The following FASN variants were observed in gnomAD, a reference collection of about 807,000 sequenced individuals.
FASN encodes the protein 3-hydroxyacyl-[acyl-carrier-protein] dehydratase.
In FASN, 50 loss-of-function variants were observed where a neutral mutation model predicts 250.0. The ratio of observed to expected loss-of-function variants is 0.20; its 90% CI spans 0.16 to 0.25. The LOEUF (loss-of-function observed/expected upper bound fraction) is 0.25. FASN is among the 10% of genes least tolerant of loss of function. The pLI, the probability that FASN is intolerant of heterozygous loss-of-function variation, is 1.00. For synonymous variants in FASN, 1,909 were observed against 1,584.0 expected, an observed-to-expected ratio of 1.21 and a Z score of -4.87; for missense variants, 3,031 against 3,498.5, an observed-to-expected ratio of 0.87 and a Z score of 3.37.
chr17:82,096,954 G>A (rs867892643), intron 1 of FASN: 6 of 240,900 alleles, frequency 2.5e-5, no homozygotes, highest in South Asian at 1.5e-4. Flanking sequence ...TCCCAAAGCC[G>A]GGGCATGGAG....
rs200933460 is a variant in FASN, at chr17:82,082,419, G to C, written c.5920-5C>G. The C allele has an allele frequency of 1.2e-6, 2 of 1,612,578 alleles. No homozygotes were observed. Among genetic ancestry groups the C allele is most frequent in the Non-Finnish European group, 8.5e-7 (1 of 1,179,974 alleles). On this transcript the variant is annotated splice_region_variant and splice_polypyrimidine_tract_variant and intron_variant, in intron 34 of 42. Coordinates refer to ENST00000306749, the MANE Select transcript of FASN (RefSeq NM_004104.5). ...CAGCAAGCCATCTCTCAAGACCTGGGGGAGGCATCCTCAGCACTCCCTGCA... is the reference window on the plus strand; with the variant it reads ...CAGCAAGCCATCTCTCAAGACCTGGCGGAGGCATCCTCAGCACTCCCTGCA...
At chr17:82,086,195 T>C (rs1305296756) in intron 22 of FASN, 59 bp downstream of exon 22, 2 of 1,534,336 alleles carry the variant, frequency 1.3e-6, no homozygotes, top group African/African-American at 2.7e-5. Context: ...CTGCAACTGA[T>C]GTCAGGGTGG....
At position 82,093,435 on chromosome 17, in the gene FASN, C is replaced by T; in HGVS notation, c.455-16G>A. 6.3e-7 allele frequency: 1 copy of T among 1,594,730 alleles called. No homozygotes were observed. The highest frequency in any genetic ancestry group is 8.5e-7 in the Non-Finnish European group (1 of 1,173,338). ...ATGCTGGGCCCTGCAAGGAAGGGTG[C>T]TGCGGCTCAGGTGGGGCTGTGAGCA... On this transcript the variant is annotated splice_polypyrimidine_tract_variant and intron_variant, in intron 4 of 42. Transcript: ENST00000306749.
rs899675508 is a variant in FASN at position 82,092,988 on chromosome 17, C to T, written c.687G>A (p.Val229=). 2 of 1,612,304 alleles carry T rather than the reference C, an allele frequency of 1.2e-6. No individual in the cohort carries two copies. The highest frequency in any genetic ancestry group is 1.3e-5 in the African/African-American group (1 of 75,032). ...GNGYCRSEGV[V]AVLLTKKSLA... is the part of the protein sequence containing the mutation. ...GGGACTTCTTGGTCAGCAGGACGGC[C>T]ACCACACCCTCCGAGCGGCAGTACC... is the stretch of plus-strand genomic sequence containing the variant. The change falls in exon 6 of 43, where the codon GTG becomes GTA. Residue 229 remains valine (V), a synonymous_variant. Coordinates refer to ENST00000306749, the MANE Select transcript of FASN (RefSeq NM_004104.5).
Position 82,092,705 on chromosome 17 carries a change from C to G in FASN, c.886G>C (p.Gly296Arg). Residue 296 changes from glycine (G) to arginine (R), a missense_variant, in exon 7 of 43, where the codon GGC becomes CGC. Gly to Arg is a moderately radical substitution (Grantham distance 125). Coordinates refer to ENST00000306749, the MANE Select transcript of FASN (RefSeq NM_004104.5). ...SFEYIEAHGTGTKVGDPQELN... is the reference protein window; with the variant it reads ...SFEYIEAHGTRTKVGDPQELN... ...GGGGGGGGGGGCATCACCTTGGTGC[C>G]TGTGCCGTGGGCTTCGATGTATTCA... is the stretch of plus-strand genomic sequence containing the variant. 6.3e-7 allele frequency: 1 copy of G among 1,591,114 alleles called. No homozygotes were observed.
At position 82,085,785 on chromosome 17, in the gene FASN, G is replaced by A. The variant is rs754468225; in HGVS notation, c.3819C>T (p.Thr1273=). 71 of 1,563,070 alleles carry A rather than the reference G, an allele frequency of 4.5e-5. No homozygotes were observed. Among genetic ancestry groups the A allele is most frequent in the Admixed American group, 9.3e-5 (5 of 53,580 alleles). ...HPLLQLSYTA[T]DRHPQALEAA... The stretch of plus-strand genomic sequence containing the variant: ...CCTCCAGGGCCTGGGGGTGGCGGTC[G>A]GTGGCCGTGTAGCTCAGCTGCAGCA... Residue 1273 remains threonine, a synonymous_variant, in exon 23 of 43, where the codon ACC becomes ACT. Coordinates refer to ENST00000306749, the MANE Select transcript of FASN (RefSeq NM_004104.5).
chr17:82,097,827 C>T, intron 1 of FASN, among the ~76,000 whole-genome samples: 1 of 152,086 alleles, frequency 6.6e-6, no homozygotes, highest in East Asian at 1.9e-4. Context: ...GAGCCGGGGG[C>T]TCCTCCAGGC....
rs2034141230 is a variant in FASN at position 82,088,265 on chromosome 17, G to A, written c.2636C>T (p.Thr879Ile). 6.2e-7 allele frequency: 1 copy of A among 1,606,392 alleles called. No individual in the cohort carries two copies. The highest frequency in any genetic ancestry group is 1.1e-5 in the South Asian group (1 of 91,086). The change falls in exon 17 of 43, where the codon ACC (threonine) becomes ATC (isoleucine). Residue 879 changes from threonine to isoleucine, a missense_variant. Transcript: ENST00000306749. ...GGGGAAGAGGACGCGACCGTCGAGG[G>A]TGTGGTCCACCAGGTAGTGGTCAGG... ...ESPDHYLVDH[T>I]LDGRVLFPAT...
Position 82,094,113 on chromosome 17 carries a change from C to T in FASN, c.281-342G>A, listed in dbSNP as rs542053244. Reference sequence around the variant, plus strand: ...AGAGGGCAGCATTGTCCCCAGGCGACGCCTTTGGCCCCTGGTGTCACCGGC... The same window carrying T: ...AGAGGGCAGCATTGTCCCCAGGCGATGCCTTTGGCCCCTGGTGTCACCGGC... On this transcript the variant is annotated intron_variant, in intron 3 of 42. Coordinates refer to ENST00000306749, the MANE Select transcript of FASN (RefSeq NM_004104.5). 226 of 413,602 alleles carry T rather than the reference C, an allele frequency of 5.5e-4. 1 individual carries two copies. Among genetic ancestry groups the T allele is most frequent in the South Asian group, 4.4e-3 (209 of 46,982 alleles). 25.6% of individuals were successfully genotyped at this position (413,602 alleles called of 1,614,324 possible). A position where few individuals can be genotyped will look rare whatever the true frequency, so the allele number is the denominator to read the frequency against.
intron 10 of FASN, 135 bp downstream of exon 10, chr17:82,090,747 C>T: frequency 4.3e-6 from 5 of 1,150,116 alleles, no homozygotes; most frequent in Non-Finnish European, 6.3e-6. Flanking sequence ...CCCTCCCGTC[C>T]TGCCCCCAGC....
In FASN at chr17:82,081,147, T is replaced by G. The variant is rs2033980118; in HGVS notation, c.6595+17A>C. On this transcript the variant is annotated intron_variant, in intron 38 of 42. Transcript: ENST00000306749. ...GAGGCCCGGGGACCCCACTCCCGCC[T>G]GGCCACCCACACGCACCGCTGGCCT... The G allele has an allele frequency of 1.3e-6, 2 of 1,567,288 alleles. No individual in the cohort carries two copies. The highest frequency in any genetic ancestry group is 1.7e-6 in the Non-Finnish European group (2 of 1,158,006).
Position 82,083,269 on chromosome 17 carries a change from C to T in FASN, c.5498G>A (p.Gly1833Glu), listed in dbSNP as rs765962711. ...VRPLKCTVFHGAQVEDAFRYM... is the reference protein window; with the variant it reads ...VRPLKCTVFHEAQVEDAFRYM... ...GCGGAAGGCGTCCTCCACCTGGGCC[C>T]CATGGAACACCGTGCACTTGAGGGG... Residue 1833 changes from glycine to glutamate, a missense_variant, in exon 32 of 43, where the codon GGG (glycine) becomes GAG (glutamate). Coordinates refer to ENST00000306749, the MANE Select transcript of FASN (RefSeq NM_004104.5). The T allele has an allele frequency of 6.2e-7, 1 of 1,612,798 alleles. No homozygotes were observed. The highest frequency in any genetic ancestry group is 8.5e-7 in the Non-Finnish European group (1 of 1,179,996).
chr17:82,093,766 T>G lies in FASN; in HGVS notation c.286A>C (p.Asn96His), dbSNP rs778170635. The change falls in exon 4 of 43, where the codon AAC (asparagine) becomes CAC (histidine). Residue 96 changes from asparagine (N) to histidine (H), a missense_variant. Coordinates refer to ENST00000306749, the MANE Select transcript of FASN (RefSeq NM_004104.5). The stretch of plus-strand genomic sequence containing the variant: ...TGTGTTCCTCGGAGTGAATCTGGGT[T>G]GATGCCTGCCACAAACAGTGGTCAA... Reference protein sequence around the residue: ...TYEAIVDGGINPDSLRGTHTG... With the variant: ...TYEAIVDGGIHPDSLRGTHTG... The G allele has an allele frequency of 1.2e-5, 20 of 1,612,186 alleles. No homozygotes were observed. In the South Asian group the frequency reaches 1.9e-4, roughly 15 times the overall value.
chr17:82,081,591 G>A lies in FASN; in HGVS notation c.6406+10C>T. 2 of 1,611,998 alleles carry A rather than the reference G, an allele frequency of 1.2e-6. No individual in the cohort carries two copies. The highest frequency in any genetic ancestry group is 1.7e-6 in the Non-Finnish European group (2 of 1,179,986). ...AAACACCTGGCGCGGCTCCTACTGG[G>A]AGTGCTCACCCAGGATGTGTGCCAC... is the stretch of plus-strand genomic sequence containing the variant. On this transcript the variant is annotated intron_variant, in intron 37 of 42. Transcript: ENST00000306749.
Position 82,080,489 on chromosome 17 carries a change from C to T in FASN, c.6928G>A (p.Gly2310Arg), listed in dbSNP as rs1363707403. 2 of 1,570,030 alleles carry T rather than the reference C, an allele frequency of 1.3e-6. No homozygotes were observed. The highest frequency in any genetic ancestry group is 8.6e-7 in the Non-Finnish European group (1 of 1,158,582). The change falls in exon 40 of 43, where the codon GGG becomes AGG. Residue 2310 changes from glycine (G) to arginine (R), a missense_variant. Transcript: ENST00000306749. ...GPYRVAGYSY[G>R]ACVAFEMCSQ... ...CACATTTCAAAGGCCACGCAGGCCC[C>T]GTAGGAGTAGCCGGCCACGCGGTAG...
In FASN at chr17:82,090,552, C is replaced by T; in HGVS notation, c.1693G>A (p.Asp565Asn). Reference sequence around the variant, plus strand: ...CTCAGCCCCATGCAGCTCAGCAGGTCTATGAGGCCTATCTGGGGTGGGAAC... The same window carrying T: ...CTCAGCCCCATGCAGCTCAGCAGGTTTATGAGGCCTATCTGGGGTGGGAAC... ...SLTAIQIGLI[D>N]LLSCMGLRPD... The change falls in exon 11 of 43, where the codon GAC becomes AAC. Residue 565 changes from aspartate to asparagine, a missense_variant. Physicochemically the swap from Asp to Asn is conservative, Grantham distance 23. Transcript: ENST00000306749. The T allele has an allele frequency of 6.2e-7, 1 of 1,611,104 alleles. No homozygotes were observed.
intron 1 of FASN, among the ~76,000 whole-genome samples, chr17:82,097,758 G>T (rs1304514531): frequency 6.6e-6 from 1 of 152,062 alleles, no homozygotes; most frequent in African/African-American, 2.4e-5. Flanking sequence ...GCTGGGCCTC[G>T]GCTCCGGGGC....
Position 82,085,562 on chromosome 17 carries a change from G to A in FASN, c.4042C>T (p.Leu1348Phe). The change falls in exon 23 of 43, where the codon CTC (leucine) becomes TTC (phenylalanine). Residue 1348 changes from leucine to phenylalanine, a missense_variant. Coordinates refer to ENST00000306749, the MANE Select transcript of FASN (RefSeq NM_004104.5). ...ATGTCCCCGAGGGGGTGCCCCCGGA[G>A]CAGTGTGTGCAGGAGCAGAAAGCCC... is the stretch of plus-strand genomic sequence containing the variant. ...EGGFLLLHTL[L>F]RGHPLGDIVA... 2 of 1,595,516 alleles carry A rather than the reference G, an allele frequency of 1.3e-6. No homozygotes were observed. The highest frequency in any genetic ancestry group is 1.1e-5 in the South Asian group (1 of 88,344).
At position 82,084,214 on chromosome 17, in the gene FASN, C is replaced by T; in HGVS notation, c.4919+20G>A. The T allele has an allele frequency of 6.2e-7, 1 of 1,610,894 alleles. No homozygotes were observed. The highest frequency in any genetic ancestry group is 1.1e-5 in the South Asian group (1 of 90,728). ...CCGCCATCCACGTGGGGCCCAGGCT[C>T]ACACCCTCGACACACTCACCAGTTG... On this transcript the variant is annotated intron_variant, in intron 28 of 42. Coordinates refer to ENST00000306749, the MANE Select transcript of FASN (RefSeq NM_004104.5).
Sources: gnomAD v4.1 joint callset for allele counts (sites outside exome capture counted in the v4.1 genomes callset) on GRCh38, gnomAD v4.1.1 for gene constraint, MANE v1.5 for transcripts, NCBI Gene and HGNC (gene_info 2026-07-23, HGNC 2026-07-21) for gene names.